Variants in PTS observed in about 807,000 individuals in gnomAD.
PTS encodes 6-pyruvoyltetrahydropterin synthase, also known as 6-pyruvoyl tetrahydrobiopterin synthase.
Under a neutral mutation model 20.6 loss-of-function variants are expected in PTS, and 23 were observed. The observed-to-expected ratio is 1.12, with a 90% CI of 0.80 to 1.58. The LOEUF (loss-of-function observed/expected upper bound fraction) is 1.58. Among genes scored for constraint, PTS ranks in the 40% most tolerant of loss-of-function variants. PTS has a pLI of 0.00. For missense variants in PTS, 186 were observed against 182.4 expected, an observed-to-expected ratio of 1.02 and a Z score of -0.11; for synonymous variants, 65 against 62.5, an observed-to-expected ratio of 1.04 and a Z score of -0.19.
intron 3 of PTS, 103 bp from the exon 4 acceptor site, chr11:112,230,523 A>G: frequency 9.3e-7 from 1 of 1,077,956 alleles, no homozygotes; most frequent in Non-Finnish European, 1.4e-6. Flanking sequence ...CAAATGTGCA[A>G]ATGTGGGCAC....
intron 4 of PTS, among the ~76,000 whole-genome samples, chr11:112,231,009 A>G (rs1592880696): frequency 6.7e-6 from 1 of 148,196 alleles, no homozygotes; most frequent in Non-Finnish European, 1.5e-5. Flanking sequence ...CTTGAGACTT[A>G]CTGTCTTTCT....
chr11:112,230,544 C>T (rs1859916870), intron 3 of PTS, 82 bp from the exon 4 acceptor site: 2 of 1,238,996 alleles, frequency 1.6e-6, no homozygotes, highest in Non-Finnish European at 2.4e-6. Flanking sequence ...AGTCTCTGCA[C>T]ATTGTACTGC....
chr11:112,228,451 T>A, intron 1 of PTS, 143 bp from the exon 2 acceptor site: 1 of 698,274 alleles, frequency 1.4e-6, no homozygotes, highest in Non-Finnish European at 2.4e-6. Flanking sequence ...TCAACATGAT[T>A]TCTGACTCTC....
intron 1 of PTS, among the ~76,000 whole-genome samples, chr11:112,227,375 A>G (rs1041375691): frequency 1.1e-4 from 16 of 152,276 alleles, no homozygotes; most frequent in African/African-American, 3.8e-4. Flanking sequence ...TGTGGAGGGT[A>G]CACTGAGAAA....
chr11:112,228,522 T>TA, intron 1 of PTS, 72 bp from the exon 2 acceptor site: 1 of 1,267,554 alleles, frequency 7.9e-7, no homozygotes, highest in Non-Finnish European at 1.1e-6. Context: ...AAATAATAAA[T>TA]ATAAGGAACA....
At position 112,230,644 on chromosome 11, in the gene PTS, A is replaced by G. The variant is rs1379561726; in HGVS notation, c.205A>G (p.Met69Val). The change falls in exon 4 of 6, where the codon ATG (methionine) becomes GTG (valine). Residue 69 changes from methionine to valine, a missense_variant. Coordinates refer to ENST00000280362, the MANE Select transcript of PTS (RefSeq NM_000317.3). ...TCTTTAGATTGACCCTGCTACGGGA[A>G]TGGTTATGAATCTGGCTGATCTCAA... ...VHGEIDPATG[M>V]VMNLADLKKY... The G allele has an allele frequency of 2.5e-6, 4 of 1,610,942 alleles. No homozygotes were observed. The highest frequency in any genetic ancestry group is 2.7e-5 in the African/African-American group (2 of 74,848).
chr11:112,226,429 G>C lies in PTS; in HGVS notation c.-15G>C, dbSNP rs1458291147. On this transcript the variant is annotated 5_prime_UTR_variant, in exon 1 of 6. Transcript: ENST00000280362. ...GAGGAGGTGCCGGCCGAGCACCGCAGACAGCGCCGGGAAGATGAGCACGGA... is the reference window on the plus strand; with the variant it reads ...GAGGAGGTGCCGGCCGAGCACCGCACACAGCGCCGGGAAGATGAGCACGGA... 1.3e-6 allele frequency: 2 copies of C among 1,571,116 alleles called. No individual in the cohort carries two copies. The highest frequency in any genetic ancestry group is 1.7e-6 in the Non-Finnish European group (2 of 1,159,738).
At position 112,233,556 on chromosome 11, in the gene PTS, C is replaced by A; in HGVS notation, c.*1C>A. 6.2e-7 allele frequency: 1 copy of A among 1,613,430 alleles called. No homozygotes were observed. The highest frequency in any genetic ancestry group is 8.5e-7 in the Non-Finnish European group (1 of 1,179,748). On this transcript the variant is annotated 3_prime_UTR_variant, in exon 6 of 6. Coordinates refer to ENST00000280362, the MANE Select transcript of PTS (RefSeq NM_000317.3). ...TATTGTGGTTTATAAAGGAGAATAG[C>A]TATTGGGGTTAGCATTGCACAAAGC...
intron 4 of PTS, among the ~76,000 whole-genome samples, chr11:112,231,954 G>A (rs1859942749): frequency 6.7e-6 from 1 of 150,284 alleles, no homozygotes; most frequent in Admixed American, 6.6e-5. Context: ...GAAAGAAAAA[G>A]AAAAAGAGAA....
chr11:112,228,376 T>C (rs1859891396), intron 1 of PTS: 1 of 584,032 alleles, frequency 1.7e-6, no homozygotes, highest in Admixed American at 3.1e-5. Flanking sequence ...TGTGCTAATT[T>C]GTATGGTACA....
rs1027779552 is a variant in PTS, at chr11:112,230,779, C to T, written c.243+97C>T. The T allele has an allele frequency of 7.5e-5, 83 of 1,100,702 alleles. No individual in the cohort carries two copies. In the South Asian group the frequency reaches 9.5e-4, roughly 13 times the overall value. The allele number at this position is 1,100,702 out of a possible 1,614,324, so 68.2% of individuals were successfully genotyped here. A position where few individuals can be genotyped will look rare whatever the true frequency, so the allele number is the denominator to read the frequency against. ...CCCAACCAGTTATCTCCTAAGGTTCCATGACTTTGTGAATAGAACTGGATG... is the reference window on the plus strand; with the variant it reads ...CCCAACCAGTTATCTCCTAAGGTTCTATGACTTTGTGAATAGAACTGGATG... On this transcript the variant is annotated intron_variant, in intron 4 of 5. Coordinates refer to ENST00000280362, the MANE Select transcript of PTS (RefSeq NM_000317.3).
chr11:112,230,217 C>T lies in PTS; in HGVS notation c.173C>T (p.Thr58Ile). 6.2e-7 allele frequency: 1 copy of T among 1,613,554 alleles called. No individual in the cohort carries two copies. Among genetic ancestry groups the T allele is most frequent in the Non-Finnish European group, 8.5e-7 (1 of 1,179,526 alleles). Reference protein sequence around the residue: ...GHGHNYKVVVTVHGEIDPATG... With the variant: ...GHGHNYKVVVIVHGEIDPATG... ...TGTTTTCTTTCCATAGTTGTGGTGACAGTACATGGAGAGGTATGTGCAGAA... is the reference window on the plus strand; with the variant it reads ...TGTTTTCTTTCCATAGTTGTGGTGATAGTACATGGAGAGGTATGTGCAGAA... The change falls in exon 3 of 6, where the codon ACA (threonine) becomes ATA (isoleucine). Residue 58 changes from threonine to isoleucine, a missense_variant. Thr to Ile is a moderately conservative substitution (Grantham distance 89, BLOSUM62 -1). Transcript: ENST00000280362.
intron 4 of PTS, among the ~76,000 whole-genome samples, chr11:112,232,553 TAGAA>T (rs894302912): frequency 1.6e-4 from 24 of 152,320 alleles, no homozygotes; most frequent in African/African-American, 5.3e-4. Flanking sequence ...AGCAAAAACC[TAGAA>T]AGAATGAGGC....
Position 112,233,467 on chromosome 11 carries a change from A to G in PTS, c.350A>G (p.Asn117Ser), listed in dbSNP as rs1357322431. ...TENVAVYIWDNLQKVLPVGVL... is the reference protein window; with the variant it reads ...TENVAVYIWDSLQKVLPVGVL... ...AATGTAGCTGTTTATATCTGGGACA[A>G]CCTCCAGAAAGTTCTTCCTGTAGGA... The change falls in exon 6 of 6, where the codon AAC becomes AGC. Residue 117 changes from asparagine to serine, a missense_variant. Transcript: ENST00000280362. 1 of 1,613,388 alleles carries G rather than the reference A, an allele frequency of 6.2e-7. No individual in the cohort carries two copies.
rs144024282 is a variant in PTS, at chr11:112,228,384, A to G, written c.84-210A>G. ...GTTTGTTTGTGCTAATTTGTATGGT[A>G]CAATCTTCTAATTAGGGAATATGCC... On this transcript the variant is annotated intron_variant, in intron 1 of 5. Transcript: ENST00000280362. The G allele has an allele frequency of 1.8e-5, 11 of 595,774 alleles. No individual in the cohort carries two copies. The South Asian group carries it at 2.0e-4, about 11-fold the overall frequency. 36.9% of individuals were successfully genotyped at this position (595,774 alleles called of 1,614,324 possible).
intron 1 of PTS, among the ~76,000 whole-genome samples, chr11:112,227,647 AAG>A (rs985286907): frequency 6.6e-6 from 1 of 152,052 alleles, no homozygotes; most frequent in Non-Finnish European, 1.5e-5. Flanking sequence ...GTGAGGGAGC[AAG>A]AGAGAGGAGA....
chr11:112,230,815 G>C (rs1859920456), intron 4 of PTS, 133 bp downstream of exon 4: 1 of 838,382 alleles, frequency 1.2e-6, no homozygotes, highest in Non-Finnish European at 2.0e-6. Context: ...TGGGTGTTGG[G>C]GAATAGTTGG....
chr11:112,230,308 A>G (rs1859914510), intron 3 of PTS, 78 bp downstream of exon 3: 2 of 1,511,042 alleles, frequency 1.3e-6, no homozygotes, highest in Non-Finnish European at 1.8e-6. Context: ...TTCTGTGTTG[A>G]AAACTGTTCC....
chr11:112,231,172 G>T (rs1859926491), intron 4 of PTS, among the ~76,000 whole-genome samples: 1 of 151,908 alleles, frequency 6.6e-6, no homozygotes, highest in Non-Finnish European at 1.5e-5. Context: ...TACTGCTCCT[G>T]GCCTTCTCCT....
Sources: allele counts gnomAD v4.1 joint callset (sites outside exome capture counted in the v4.1 genomes callset), GRCh38; gene constraint gnomAD v4.1.1; transcripts MANE v1.5; gene names NCBI Gene and HGNC (gene_info 2026-07-23, HGNC 2026-07-21).